Variants in SND1 observed in about 807,000 individuals in gnomAD.
The protein encoded by SND1 is staphylococcal nuclease and tudor domain containing 1.
Under a neutral mutation model 121.7 loss-of-function variants are expected in SND1, and 38 were observed. That is an observed-to-expected ratio of 0.31 (90% confidence interval 0.24 to 0.41). SND1 has a LOEUF of 0.41. Ranked by LOEUF, SND1 falls within the 10% of genes least tolerant of loss-of-function variation. The probability of loss-of-function intolerance (pLI) is 1.00; values close to 1 mark genes in which losing one functional copy is unlikely to be tolerated. For missense variants in SND1, 868 were observed against 1,184.6 expected (o/e 0.73, Z 3.92); for synonymous variants, 401 against 447.4 (o/e 0.90, Z 1.31).
intron 14 of SND1, among the ~76,000 whole-genome samples, chr7:127,914,704 G>T (rs534548315): frequency 6.6e-6 from 1 of 152,204 alleles, no homozygotes; most frequent in Non-Finnish European, 1.5e-5. Flanking sequence ...AACTATAAGC[G>T]GGCTGGTTAG....
At chr7:128,035,939 AG>A (rs1165653099) in intron 16 of SND1, among the ~76,000 whole-genome samples, 1 of 152,200 alleles carries the variant, frequency 6.6e-6, no homozygotes, top group Non-Finnish European at 1.5e-5. Context: ...AATGCCTCAT[AG>A]GGTGTTCCAG....
At chr7:128,068,650 C>G (rs2117043221) in intron 16 of SND1, among the ~76,000 whole-genome samples, 1 of 152,336 alleles carries the variant, frequency 6.6e-6, no homozygotes, top group Non-Finnish European at 1.5e-5. Flanking sequence ...TGGCCACCCC[C>G]TTCCTCCATG....
At chr7:127,701,888 A>C (rs966594198) in intron 5 of SND1, among the ~76,000 whole-genome samples, 5 of 152,334 alleles carry the variant, frequency 3.3e-5, no homozygotes, top group East Asian at 1.9e-4. Flanking sequence ...TGGACTCAAC[A>C]TAATACTTGG....
chr7:127,921,998 T>A (rs928463357), intron 14 of SND1, among the ~76,000 whole-genome samples: 15 of 152,032 alleles, frequency 9.9e-5, no homozygotes, highest in Non-Finnish European at 1.8e-4. Context: ...TTGTTTTTTT[T>A]AAAGAATGAG....
intron 10 of SND1, among the ~76,000 whole-genome samples, chr7:127,761,763 C>T (rs1797309876): frequency 6.6e-6 from 1 of 152,150 alleles, no homozygotes; most frequent in South Asian, 2.1e-4. Flanking sequence ...CTCTTATTTG[C>T]TCATAGCCCT....
chr7:127,835,003 G>C (rs1798839255), intron 11 of SND1, among the ~76,000 whole-genome samples: 1 of 152,198 alleles, frequency 6.6e-6, no homozygotes, highest in African/African-American at 2.4e-5. Flanking sequence ...GGAAATAGGA[G>C]TTTATTGGAA....
At chr7:127,786,805 G>A (rs942058607) in intron 10 of SND1, among the ~76,000 whole-genome samples, 8 of 151,934 alleles carry the variant, frequency 5.3e-5, no homozygotes, top group Non-Finnish European at 1.2e-4. Flanking sequence ...CACCATGCCC[G>A]GCTAATTTTT....
At chr7:127,770,419 G>T (rs1479437506) in intron 10 of SND1, among the ~76,000 whole-genome samples, 2 of 152,192 alleles carry the variant, frequency 1.3e-5, no homozygotes, top group Non-Finnish European at 2.9e-5. Context: ...CTGGTACTAA[G>T]GATAAATAGC....
chr7:127,800,702 G>C (rs1798110740), intron 10 of SND1, among the ~76,000 whole-genome samples: 2 of 152,200 alleles, frequency 1.3e-5, no homozygotes, highest in South Asian at 4.1e-4. Flanking sequence ...TTCCCTGTGT[G>C]CTTCAGAGCC....
chr7:127,981,307 C>T (rs980887171), intron 15 of SND1, among the ~76,000 whole-genome samples: 2 of 152,180 alleles, frequency 1.3e-5, no homozygotes, highest in East Asian at 3.8e-4. Context: ...ACAGGTCTCT[C>T]CCATGCCCAG....
chr7:127,808,479 A>G (rs1798279788), intron 11 of SND1, among the ~76,000 whole-genome samples: 1 of 152,204 alleles, frequency 6.6e-6, no homozygotes, highest in Non-Finnish European at 1.5e-5. Flanking sequence ...GACAGGTTTA[A>G]TAAGCCTCTG....
intron 15 of SND1, among the ~76,000 whole-genome samples, chr7:127,942,005 TAG>T (rs975245679): frequency 1.7e-4 from 25 of 151,078 alleles, no homozygotes; most frequent in Admixed American, 6.0e-4. Context: ...GCATATTGCG[TAG>T]AGTGGCCATT....
intron 11 of SND1, among the ~76,000 whole-genome samples, chr7:127,838,157 C>T (rs1173871476): frequency 1.3e-5 from 2 of 152,134 alleles, no homozygotes; most frequent in African/African-American, 4.8e-5. Context: ...AGCAGGTGAC[C>T]AGGGGTGACT....
At chr7:127,715,506 A>G (rs6951386) in intron 9 of SND1, among the ~76,000 whole-genome samples, 2,597 of 151,990 alleles carry the variant, frequency 0.017, 93 homozygotes, top group African/African-American at 0.059. Flanking sequence ...CCCAGTGTCT[A>G]TTGTTCCTGT....
chr7:127,760,796 T>G (rs1797291957), intron 10 of SND1, among the ~76,000 whole-genome samples: 1 of 152,218 alleles, frequency 6.6e-6, no homozygotes, highest in African/African-American at 2.4e-5. Flanking sequence ...TTCCTTTCTT[T>G]ACTTAAGTTG....
intron 1 of SND1, among the ~76,000 whole-genome samples, chr7:127,685,772 C>T (rs1795801484): frequency 6.6e-6 from 1 of 152,174 alleles, no homozygotes; most frequent in South Asian, 2.1e-4. Context: ...TTCTAGATTA[C>T]TTCTGTATTT....
chr7:127,820,934 A>C (rs943068372), intron 11 of SND1, among the ~76,000 whole-genome samples: 1 of 152,198 alleles, frequency 6.6e-6, no homozygotes, highest in African/African-American at 2.4e-5. Flanking sequence ...TTCTTCCAGC[A>C]GCATGAAGCT....
chr7:127,872,632 A>ACG (rs1799616603), intron 12 of SND1, among the ~76,000 whole-genome samples: 3 of 50,388 alleles, frequency 6.0e-5, no homozygotes, highest in African/African-American at 2.6e-4. Context: ...ACACACGCAC[A>ACG]CACACACACA....
chr7:127,833,260 CTT>C (rs35890438), intron 11 of SND1, among the ~76,000 whole-genome samples: 16 of 97,268 alleles, frequency 1.6e-4, no homozygotes, highest in Admixed American at 4.5e-4. Context: ...ATTGAACTGT[CTT>C]TTTTTTTTTT....
Sources: gnomAD v4.1 joint callset for allele counts (sites outside exome capture counted in the v4.1 genomes callset) on GRCh38, gnomAD v4.1.1 for gene constraint, MANE v1.5 for transcripts, NCBI Gene and HGNC (gene_info 2026-07-23, HGNC 2026-07-21) for gene names.